TLE1: variants seen among roughly 807,000 people sequenced by gnomAD.
TLE1 encodes the protein transducin-like enhancer protein 1.
TLE1 carries 21 observed loss-of-function variants against 89.8 expected under a neutral mutation model. The ratio of observed to expected loss-of-function variants is 0.23; its 90% confidence interval spans 0.17 to 0.34. The LOEUF (loss-of-function observed/expected upper bound fraction) is 0.34. TLE1 is among the 10% of genes least tolerant of loss of function. The pLI is 1.00. For synonymous variants in TLE1, 447 were observed against 407.6 expected, an observed-to-expected ratio of 1.10 and a Z score of -1.16; for missense variants, 795 against 1,031.2, an observed-to-expected ratio of 0.77 and a Z score of 3.14.
At chr9:81,685,962 T>C (rs1231805067) in intron 2 of TLE1, 66 bp from the exon 3 acceptor site, 10 of 1,558,468 alleles carry the variant, frequency 6.4e-6, no homozygotes, top group African/African-American at 1.4e-5. Flanking sequence ...CTGCCTCACA[T>C]ATTTGCACTT....
At chr9:81,610,811 C>T (rs1208014887) in intron 13 of TLE1, among the ~76,000 whole-genome samples, 1 of 136,312 alleles carries the variant, frequency 7.3e-6, no homozygotes, top group African/African-American at 2.8e-5. Flanking sequence ...CCTCAAGGGA[C>T]AAAATCATCC....
intron 16 of TLE1, 86 bp from the exon 17 acceptor site, chr9:81,587,914 G>GTGTGTGTCATCCCGCC: frequency 1.2e-6 from 1 of 868,906 alleles, no homozygotes; most frequent in Non-Finnish European, 1.6e-6. Flanking sequence ...GACCGTGTGT[G>GTGTGTGTCATCCCGCC]TGTGTGTGTG....
At chr9:81,656,716 A>G (rs1247096978) in intron 4 of TLE1, among the ~76,000 whole-genome samples, 1 of 152,226 alleles carries the variant, frequency 6.6e-6, no homozygotes, top group Non-Finnish European at 1.5e-5. Context: ...ATCCCAGTCA[A>G]TACAGATTAA....
chr9:81,657,362 A>T (rs1160516683), intron 4 of TLE1, among the ~76,000 whole-genome samples: 1 of 152,216 alleles, frequency 6.6e-6, no homozygotes, highest in Non-Finnish European at 1.5e-5. Context: ...ATTAGAACAC[A>T]TCAATATCAT....
intron 6 of TLE1, among the ~76,000 whole-genome samples, chr9:81,648,865 T>G (rs1044683054): frequency 6.6e-6 from 1 of 152,164 alleles, no homozygotes. Flanking sequence ...ATCTAAAAAC[T>G]CAAGGTCTCA....
At chr9:81,640,165 G>A (rs1827929675) in intron 6 of TLE1, among the ~76,000 whole-genome samples, 1 of 152,146 alleles carries the variant, frequency 6.6e-6, no homozygotes, top group African/African-American at 2.4e-5. Context: ...TGTCAACAGT[G>A]CTAAGGTTCA....
intron 6 of TLE1, 129 bp from the exon 7 acceptor site, chr9:81,634,430 G>A: frequency 1.4e-6 from 1 of 709,922 alleles, no homozygotes; most frequent in East Asian, 2.9e-5. Context: ...CAGAACAGGA[G>A]GTTCAACAAA....
chr9:81,634,386 G>C (rs1328464210), intron 6 of TLE1, 85 bp from the exon 7 acceptor site: 32 of 1,171,512 alleles, frequency 2.7e-5, no homozygotes, highest in Non-Finnish European at 3.3e-5. Flanking sequence ...GGCATCCAGG[G>C]GAAAACAGAC....
intron 6 of TLE1, among the ~76,000 whole-genome samples, chr9:81,643,975 A>G (rs553582290): frequency 1.3e-5 from 2 of 152,292 alleles, no homozygotes; most frequent in Non-Finnish European, 2.9e-5. Context: ...TACAAAAACT[A>G]TACAGGTTTT....
intron 14 of TLE1, among the ~76,000 whole-genome samples, chr9:81,594,389 GGATGAA>G (rs1304061344): frequency 2.0e-5 from 3 of 152,100 alleles, no homozygotes; most frequent in Non-Finnish European, 4.4e-5. Flanking sequence ...GCAGGGACAT[GGATGAA>G]ACTGGAAACC....
At chr9:81,664,477 C>T (rs1364683961) in intron 4 of TLE1, among the ~76,000 whole-genome samples, 2 of 152,192 alleles carry the variant, frequency 1.3e-5, no homozygotes, top group East Asian at 3.9e-4. Context: ...GTAAATTCAT[C>T]TTTAAATCTA....
intron 4 of TLE1, among the ~76,000 whole-genome samples, chr9:81,676,975 G>A (rs149876078): frequency 0.022 from 3,406 of 152,094 alleles, 142 homozygotes; most frequent in African/African-American, 0.075. Context: ...GGTGGCTCAC[G>A]CCTATAATCC....
intron 4 of TLE1, among the ~76,000 whole-genome samples, chr9:81,667,218 G>C (rs1441645976): frequency 1.3e-5 from 2 of 152,060 alleles, no homozygotes; most frequent in Non-Finnish European, 2.9e-5. Flanking sequence ...TTTGAGACCA[G>C]CCTGGCCAAC....
At chr9:81,625,740 A>G (rs1230922158) in intron 8 of TLE1, among the ~76,000 whole-genome samples, 2 of 152,042 alleles carry the variant, frequency 1.3e-5, no homozygotes, top group Non-Finnish European at 2.9e-5. Flanking sequence ...TGTCTATTTC[A>G]TGCTCCAAAC....
At position 81,655,148 on chromosome 9, in the gene TLE1, G is replaced by C. The variant is rs558415586; in HGVS notation, c.235-1112C>G. Among the ~76,000 whole-genome samples, 265 of 152,190 alleles carry C rather than the reference G, an allele frequency of 1.7e-3. 3 individuals carry two copies. The highest frequency in any genetic ancestry group is 2.7e-3 in the Admixed American group (41 of 15,286). On this transcript the variant is annotated intron_variant, in intron 4 of 19. Transcript: ENST00000376499. ...TCTGAGGCCAAGGCATGTGGATTAT[G>C]AGGTCAGGAGTTCAAGACCAGCCTA...
intron 16 of TLE1, 94 bp from the exon 17 acceptor site, chr9:81,587,922 G>GTGTGTCTTCCCGCC: frequency 9.9e-7 from 1 of 1,014,474 alleles, no homozygotes; most frequent in South Asian, 1.9e-5. Context: ...GTGTGTGTGT[G>GTGTGTCTTCCCGCC]TGTGTGTGTG....
intron 13 of TLE1, 76 bp downstream of exon 13, chr9:81,611,693 G>A (rs1406592078): frequency 6.8e-5 from 91 of 1,334,056 alleles, no homozygotes; most frequent in Non-Finnish European, 8.8e-5. Context: ...AGAGAGGCCT[G>A]GCCCCAAACC....
Position 81,615,978 on chromosome 9 carries a change from C to G in TLE1, c.918+4G>C. 1 of 1,613,436 alleles carries G rather than the reference C, an allele frequency of 6.2e-7. No homozygotes were observed. The highest frequency in any genetic ancestry group is 8.5e-7 in the Non-Finnish European group (1 of 1,179,988). On this transcript the variant is annotated splice_donor_region_variant and intron_variant, in intron 11 of 19. Transcript: ENST00000376499. ...ACAGGCAAGTGTCAGTTTTCTTTAC[C>G]TACCAAGCTCATTTCTTTGGATTTC...
intron 4 of TLE1, among the ~76,000 whole-genome samples, chr9:81,666,352 C>T (rs1831460613): frequency 6.6e-6 from 1 of 152,178 alleles, no homozygotes; most frequent in South Asian, 2.1e-4. Context: ...AACCTCTTCA[C>T]ATATCTTAGT....
Sources: gnomAD v4.1 joint callset for allele counts (sites outside exome capture counted in the v4.1 genomes callset) on GRCh38, gnomAD v4.1.1 for gene constraint, MANE v1.5 for transcripts, NCBI Gene and HGNC (gene_info 2026-07-23, HGNC 2026-07-21) for gene names.